The following NCMAP variants were observed in gnomAD, a reference collection of about 807,000 sequenced individuals.
NCMAP encodes the protein non-compact myelin associated protein.
A neutral mutation model predicts 7.8 loss-of-function variants in NCMAP; 8 were observed. That is an observed-to-expected ratio of 1.02 (90% CI 0.60 to 1.84). NCMAP has a LOEUF of 1.84. NCMAP is among the 40% of genes most tolerant of loss of function. The pLI, the probability that NCMAP is intolerant of heterozygous loss-of-function variation, is 0.00. For missense variants in NCMAP, 112 were observed against 131.4 expected (o/e 0.85, Z 0.72); for synonymous variants, 41 against 52.9 (o/e 0.78, Z 0.98).
In NCMAP at chr1:24,576,335, C is replaced by A. The variant is rs1651558169; in HGVS notation, c.-7-19089C>A. On this transcript the variant is annotated intron_variant, in intron 1 of 3. Transcript: ENST00000374392. The surrounding 1 kb of genome is among the most constrained non-coding windows in gnomAD (Gnocchi z 4.0). ...TAAATGACACCGCAGGTCCCCCAGACAAACGCCCCTCTGTATCTTTGGGCC... is the reference window on the plus strand; with the variant it reads ...TAAATGACACCGCAGGTCCCCCAGAAAAACGCCCCTCTGTATCTTTGGGCC... Among the ~76,000 whole-genome samples, 2 of 152,228 alleles carry A rather than the reference C, an allele frequency of 1.3e-5. No individual in the cohort carries two copies. The highest frequency in any genetic ancestry group is 2.4e-5 in the African/African-American group (1 of 41,446).
At chr1:24,603,623 A>G (rs55707832) in intron 3 of NCMAP, among the ~76,000 whole-genome samples, 8,260 of 152,200 alleles carry the variant, frequency 0.054, 765 homozygotes, top group African/African-American at 0.19. Flanking sequence ...TCCTGCCTGT[A>G]TGTTGTCATG....
chr1:24,590,594 A>T (rs1652017200), intron 1 of NCMAP, among the ~76,000 whole-genome samples: 2 of 152,070 alleles, frequency 1.3e-5, no homozygotes, highest in South Asian at 2.1e-4. Context: ...TGCTTTTAAA[A>T]TTTTATTATA....
intron 1 of NCMAP, among the ~76,000 whole-genome samples, chr1:24,575,815 T>C (rs574820547): frequency 6.7e-6 from 1 of 149,124 alleles, no homozygotes; most frequent in South Asian, 2.1e-4. Context: ...CGTGGTGGCA[T>C]GTGCCTGTAA....
At chr1:24,571,863 G>T (rs1476805605) in intron 1 of NCMAP, among the ~76,000 whole-genome samples, 1 of 150,944 alleles carries the variant, frequency 6.6e-6, no homozygotes, top group African/African-American at 2.5e-5. Context: ...TGGGATTACA[G>T]GCGTAAGCCA....
intron 1 of NCMAP, among the ~76,000 whole-genome samples, chr1:24,574,022 C>T (rs1438106026): frequency 7.0e-6 from 1 of 143,506 alleles, no homozygotes; most frequent in South Asian, 2.1e-4. Context: ...GGGATACGCT[C>T]ATCTCCTGTG....
At position 24,597,671 on chromosome 1, in the gene NCMAP, GAAAAGAAAA is replaced by G. The variant is rs1281951338; in HGVS notation, c.82+2161_82+2169del. On this transcript the variant is annotated intron_variant, in intron 2 of 3. Coordinates refer to ENST00000374392, the MANE Select transcript of NCMAP (RefSeq NM_001010980.5). ...AGAAAGAAAGAAAGAAAGAAAGAAA[GAAAAGAAAA>G]AGAAAGAAAGAAAGAGAAAGAAGGA... is the stretch of plus-strand genomic sequence containing the variant. 1.2e-3 allele frequency among the ~76,000 whole-genome samples: 128 copies of G among 111,276 alleles called. 1 individual carries two copies. Among genetic ancestry groups the G allele is most frequent in the African/African-American group, 3.8e-3 (124 of 32,616 alleles). 73.0% of individuals were successfully genotyped at this position (111,276 alleles called of 152,430 possible). A position where few individuals can be genotyped will look rare whatever the true frequency, so the allele number is the denominator to read the frequency against.
chr1:24,573,967 A>C (rs1224597505), intron 1 of NCMAP, among the ~76,000 whole-genome samples: 3 of 133,966 alleles, frequency 2.2e-5, no homozygotes, highest in South Asian at 4.6e-4. Context: ...AAAAAAAAAA[A>C]AAAACAGAAA....
chr1:24,584,034 G>C (rs1251511408), intron 1 of NCMAP, among the ~76,000 whole-genome samples: 3 of 152,230 alleles, frequency 2.0e-5, no homozygotes, highest in African/African-American at 4.8e-5. Context: ...GGGTCTGCTT[G>C]AGTGTGGGCT....
rs1224009626 is a variant in NCMAP at position 24,576,382 on chromosome 1, A to G, written c.-7-19042A>G. On this transcript the variant is annotated intron_variant, in intron 1 of 3. Transcript: ENST00000374392. The surrounding 1 kb of genome is among the most constrained non-coding windows in gnomAD (Gnocchi z 4.0). ...GGCCTATTGTGACTGGCCACTGGCC[A>G]GCTCACACCGTGGGCAGCTTGAACG... 6.6e-6 allele frequency among the ~76,000 whole-genome samples: 1 copy of G among 152,170 alleles called. No homozygotes were observed. Among genetic ancestry groups the G allele is most frequent in the Non-Finnish European group, 1.5e-5 (1 of 68,034 alleles).
chr1:24,594,900 A>T (rs4649001), intron 1 of NCMAP, among the ~76,000 whole-genome samples: 35,652 of 151,980 alleles, frequency 0.23, 5,063 homozygotes, highest in East Asian at 0.42. Context: ...TAAAAAAAAA[A>T]TTTTTTAAAT....
rs1234832070 is a variant in NCMAP, at chr1:24,581,603, C to T, written c.-7-13821C>T. The stretch of plus-strand genomic sequence containing the variant: ...TCGCTGGGAGAAGTCCAAGGCTCTG[C>T]CTGTCTGGGAAAGAGAGCCCAGCTA... On this transcript the variant is annotated intron_variant, in intron 1 of 3. Transcript: ENST00000374392. 5.3e-5 allele frequency among the ~76,000 whole-genome samples: 8 copies of T among 152,172 alleles called. No individual in the cohort carries two copies. In the East Asian group the frequency reaches 7.7e-4, roughly 15 times the overall value.
intron 1 of NCMAP, among the ~76,000 whole-genome samples, chr1:24,572,090 G>A (rs751853897): frequency 1.3e-5 from 2 of 150,688 alleles, no homozygotes; most frequent in Non-Finnish European, 2.9e-5. Context: ...CTGAGGATTG[G>A]GACTTCATTC....
chr1:24,592,035 G>T (rs1305646403), intron 1 of NCMAP, among the ~76,000 whole-genome samples: 1 of 152,202 alleles, frequency 6.6e-6, no homozygotes, highest in Non-Finnish European at 1.5e-5. Context: ...CATAGATAAG[G>T]ACTCTCTGGA....
chr1:24,595,395 A>T, intron 1 of NCMAP, 29 bp from the exon 2 acceptor site: 1 of 1,520,344 alleles, frequency 6.6e-7, no homozygotes, highest in Non-Finnish European at 9.1e-7. Flanking sequence ...ATCTAATTTT[A>T]AACAAAATAT....
chr1:24,578,560 C>CTTTCTTT (rs1651657143), intron 1 of NCMAP, among the ~76,000 whole-genome samples: 1 of 107,378 alleles, frequency 9.3e-6, no homozygotes, highest in African/African-American at 4.3e-5. Context: ...TTCTTTCTTT[C>CTTTCTTT]TTTTTTTTTT....
At chr1:24,601,153 C>T (rs1652475417) in intron 3 of NCMAP, 129 bp downstream of exon 3, 1 of 699,340 alleles carries the variant, frequency 1.4e-6, no homozygotes, top group South Asian at 1.7e-5. Flanking sequence ...AATGCTCTAA[C>T]CCTTGGGGAT....
At chr1:24,591,543 C>T (rs996220786) in intron 1 of NCMAP, among the ~76,000 whole-genome samples, 1 of 152,250 alleles carries the variant, frequency 6.6e-6, no homozygotes, top group Non-Finnish European at 1.5e-5. Context: ...GCTGGGATTA[C>T]AGGCATGAGT....
chr1:24,566,806 G>T (rs899477142), intron 1 of NCMAP, among the ~76,000 whole-genome samples: 3 of 152,170 alleles, frequency 2.0e-5, no homozygotes, highest in Admixed American at 6.5e-5. Context: ...GACAATTATT[G>T]TATGCTGGGT....
chr1:24,579,568 T>C (rs1355825844), intron 1 of NCMAP, among the ~76,000 whole-genome samples: 2 of 152,068 alleles, frequency 1.3e-5, no homozygotes, highest in Non-Finnish European at 2.9e-5. Context: ...GACCCATCTC[T>C]ACAAAACTAA....
Sources: allele counts gnomAD v4.1 joint callset (sites outside exome capture counted in the v4.1 genomes callset), GRCh38; gene constraint gnomAD v4.1.1; non-coding constraint Gnocchi (gnomAD v3.1); transcripts MANE v1.5; gene names NCBI Gene and HGNC (gene_info 2026-07-23, HGNC 2026-07-21).